The following RGS8 variants were observed in gnomAD, a reference collection of about 807,000 sequenced individuals.
The protein encoded by RGS8 is regulator of G protein signaling 8.
A neutral mutation model predicts 21.7 loss-of-function variants in RGS8; 8 were observed. That is an observed-to-expected ratio of 0.37 (90% CI 0.22 to 0.66). The LOEUF (loss-of-function observed/expected upper bound fraction) is 0.66. Ranked by LOEUF, RGS8 falls within the 30% of genes least tolerant of loss-of-function variation. The pLI is 0.59. For missense variants in RGS8, 157 were observed against 217.9 expected (o/e 0.72, Z 1.76); for synonymous variants, 80 against 83.6 (o/e 0.96, Z 0.24).
chr1:182,716,099 T>C, the RGS8 span, among the ~76,000 whole-genome samples: 17 of 151,246 alleles, frequency 1.1e-4, no homozygotes, highest in African/African-American at 3.4e-4. Context: ...ATAAATGGAA[T>C]GAAAATAGTA....
At chr1:182,734,072 CACCATGCCCGGCTAATTTT>C in the RGS8 span, among the ~76,000 whole-genome samples, 5 of 151,940 alleles carry the variant, frequency 3.3e-5, no homozygotes, top group African/African-American at 1.2e-4. Flanking sequence ...AGGCGCCTGC[CACCATGCCCGGCTAATTTT>C]TGTATTTTTA....
In RGS8 at chr1:182,661,656, T is replaced by A. The variant is rs369832159; in HGVS notation, c.193+4313A>T. ...CTAAAAGCTAAACAAATAAAAAAAG[T>A]TTGCATGAATCTTGTGAGAAATAAA... is the stretch of plus-strand genomic sequence containing the variant. On this transcript the variant is annotated intron_variant, in intron 5 of 6. Coordinates refer to ENST00000483095, the Ensembl canonical transcript of RGS8. Among the ~76,000 whole-genome samples the A allele has an allele frequency of 6.0e-4, 92 of 152,258 alleles. 1 individual carries two copies. Among genetic ancestry groups the A allele is most frequent in the African/African-American group, 2.2e-3 (91 of 41,554 alleles).
chr1:182,740,002 C>G, the RGS8 span, among the ~76,000 whole-genome samples: 1 of 151,900 alleles, frequency 6.6e-6, no homozygotes, highest in Non-Finnish European at 1.5e-5. Flanking sequence ...CTATCATCGC[C>G]TGGGTGAAAC....
At chr1:182,664,003 A>G (rs962256499) in intron 5 of RGS8, among the ~76,000 whole-genome samples, 11 of 152,202 alleles carry the variant, frequency 7.2e-5, no homozygotes, top group Non-Finnish European at 1.3e-4. Flanking sequence ...TCCATCTCAG[A>G]AAAGTGTCAT....
At chr1:182,671,531 A>T in intron 2 of RGS8, 126 bp downstream of exon 3, 3 of 781,922 alleles carry the variant, frequency 3.8e-6, no homozygotes, top group Admixed American at 2.6e-5. Flanking sequence ...GGGGAGAGAA[A>T]CTAGAGCCTC....
intron 1 of RGS8, among the ~76,000 whole-genome samples, chr1:182,679,326 G>A (rs977450650): frequency 6.6e-5 from 10 of 152,026 alleles, no homozygotes; most frequent in African/African-American, 2.4e-4. Flanking sequence ...AGGTTCAAGT[G>A]GAAATGTTCC....
At chr1:182,726,239 G>C in the RGS8 span, among the ~76,000 whole-genome samples, 1 of 151,504 alleles carries the variant, frequency 6.6e-6, no homozygotes, top group South Asian at 2.1e-4. Context: ...AAAGAAAACT[G>C]CTTTGATATT....
At chr1:182,716,280 C>G in the RGS8 span, among the ~76,000 whole-genome samples, 13 of 152,022 alleles carry the variant, frequency 8.6e-5, no homozygotes, top group Admixed American at 5.2e-4. Flanking sequence ...TGTACGCCAC[C>G]ATGCCTGGCT....
the RGS8 span, among the ~76,000 whole-genome samples, chr1:182,752,150 T>C: frequency 6.6e-6 from 1 of 152,086 alleles, no homozygotes; most frequent in Non-Finnish European, 1.5e-5. Context: ...CATGTCACAG[T>C]GTTAGTTTAT....
At chr1:182,726,484 A>G in the RGS8 span, among the ~76,000 whole-genome samples, 1 of 152,168 alleles carries the variant, frequency 6.6e-6, no homozygotes, top group Non-Finnish European at 1.5e-5. Flanking sequence ...CAGCCTGACC[A>G]ACATGAAGAA....
upstream of RGS8, among the ~76,000 whole-genome samples, chr1:182,673,844 C>G (rs527892883): frequency 3.3e-5 from 5 of 152,120 alleles, no homozygotes; most frequent in Admixed American, 2.0e-4. Flanking sequence ...TAAGCACTCC[C>G]CTAATTCAAG....
upstream of RGS8, among the ~76,000 whole-genome samples, chr1:182,674,076 A>G (rs866860531): frequency 9.2e-5 from 14 of 152,230 alleles, no homozygotes; most frequent in Non-Finnish European, 1.9e-4. Context: ...TGATGCTTCC[A>G]GCCTCTGCTC....
chr1:182,727,890 TA>T, the RGS8 span, among the ~76,000 whole-genome samples: 2 of 152,186 alleles, frequency 1.3e-5, no homozygotes, highest in East Asian at 3.8e-4. Flanking sequence ...TACTCTTCAA[TA>T]ACAAATGTAC....
chr1:182,663,811 A>C (rs557589617), intron 5 of RGS8, among the ~76,000 whole-genome samples: 7 of 152,156 alleles, frequency 4.6e-5, no homozygotes, highest in Non-Finnish European at 8.8e-5. Context: ...CTACAGGCAC[A>C]TGCCACCACA....
In RGS8 at chr1:182,684,166, C is replaced by T. The variant is rs1052681229; in HGVS notation, n.221+190G>A. Among the ~76,000 whole-genome samples, 1 of 152,248 alleles carries T rather than the reference C, an allele frequency of 6.6e-6. No individual in the cohort carries two copies. The highest frequency in any genetic ancestry group is 2.4e-5 in the African/African-American group (1 of 41,468). ...GGAAGAACAGGCATATTTCTACACC[C>T]TTGCTCCTGGCGGAGGTGGCGGGCT... On this transcript the variant is annotated intron_variant and non_coding_transcript_variant, in intron 1 of 4. Coordinates refer to the RGS8 transcript ENST00000515211. The surrounding 1 kb of genome is among the most constrained non-coding windows in gnomAD (Gnocchi z 4.2).
the RGS8 span, among the ~76,000 whole-genome samples, chr1:182,712,522 C>G: frequency 6.6e-6 from 1 of 152,190 alleles, no homozygotes; most frequent in Non-Finnish European, 1.5e-5. Context: ...ATAAAAATGT[C>G]TCTGGCTTGG....
chr1:182,665,877 T>G, intron 5 of RGS8, 92 bp downstream of exon 6: 1 of 1,124,870 alleles, frequency 8.9e-7, no homozygotes, highest in South Asian at 1.3e-5. Flanking sequence ...GAACACCTAG[T>G]ACATACCTGC....
the RGS8 span, among the ~76,000 whole-genome samples, chr1:182,705,063 C>T: frequency 6.6e-6 from 1 of 152,120 alleles, no homozygotes; most frequent in Non-Finnish European, 1.5e-5. Flanking sequence ...CTCTGTATCA[C>T]AGTTTTATTA....
chr1:182,692,432 C>T, the RGS8 span, among the ~76,000 whole-genome samples: 2 of 151,972 alleles, frequency 1.3e-5, no homozygotes, highest in South Asian at 4.2e-4. Context: ...TGAAAGATCT[C>T]TACAATAGGA....
Sources: allele counts gnomAD v4.1 joint callset (sites outside exome capture counted in the v4.1 genomes callset), GRCh38; gene constraint gnomAD v4.1.1; non-coding constraint Gnocchi (gnomAD v3.1); transcripts MANE v1.5; gene names NCBI Gene and HGNC (gene_info 2026-07-23, HGNC 2026-07-21).